PLCXD3: variants seen among roughly 807,000 people sequenced by gnomAD.
PLCXD3 encodes the protein phosphatidylinositol specific phospholipase C X domain containing 3.
PLCXD3 carries 19 observed loss-of-function variants against 25.5 expected under a neutral mutation model. The ratio of observed to expected loss-of-function variants is 0.75; its 90% CI spans 0.52 to 1.09. The LOEUF (loss-of-function observed/expected upper bound fraction) is 1.09, where lower values mean the gene tolerates loss of function less well. Ranked by LOEUF, PLCXD3 falls within the 50% of genes least tolerant of loss-of-function variation. PLCXD3 has a pLI of 0.00. For synonymous variants in PLCXD3, 174 were observed against 137.6 expected (o/e 1.26, Z -1.85); for missense variants, 411 against 388.1 (o/e 1.06, Z -0.50).
At chr5:41,468,582 TC>T (rs1196924287) in intron 1 of PLCXD3, among the ~76,000 whole-genome samples, 3 of 152,198 alleles carry the variant, frequency 2.0e-5, no homozygotes, top group Admixed American at 2.0e-4. Flanking sequence ...AGCATTCAGG[TC>T]ATTTACCTCC....
chr5:41,485,372 A>G (rs996203000), intron 1 of PLCXD3, among the ~76,000 whole-genome samples: 2 of 152,204 alleles, frequency 1.3e-5, no homozygotes, highest in African/African-American at 2.4e-5. Context: ...AATCACACTG[A>G]TGAAAGTTTC....
intron 2 of PLCXD3, among the ~76,000 whole-genome samples, chr5:41,335,190 C>T (rs1440561022): frequency 2.0e-5 from 3 of 152,188 alleles, no homozygotes; most frequent in African/African-American, 4.8e-5. Flanking sequence ...CAGTTTCTAT[C>T]GCTAGCACTG....
intron 1 of PLCXD3, among the ~76,000 whole-genome samples, chr5:41,447,592 T>G (rs953138890): frequency 6.6e-6 from 1 of 152,202 alleles, no homozygotes; most frequent in African/African-American, 2.4e-5. Flanking sequence ...ACAGGCACCT[T>G]GAATAGCCTC....
At chr5:41,327,352 A>G (rs921001420) in intron 2 of PLCXD3, among the ~76,000 whole-genome samples, 2 of 152,136 alleles carry the variant, frequency 1.3e-5, no homozygotes, top group African/African-American at 4.8e-5. Flanking sequence ...TTGACTTTAT[A>G]TGCAAATAAA....
intron 2 of PLCXD3, among the ~76,000 whole-genome samples, chr5:41,319,542 T>G (rs112304091): frequency 0.036 from 5,531 of 152,110 alleles, 343 homozygotes; most frequent in African/African-American, 0.13. Flanking sequence ...AGAAGGAAAT[T>G]GAAAAGTTTC....
chr5:41,381,076 G>A (rs993133702), intron 2 of PLCXD3, among the ~76,000 whole-genome samples: 1 of 152,072 alleles, frequency 6.6e-6, no homozygotes, highest in Non-Finnish European at 1.5e-5. Flanking sequence ...TGTTGAAGGG[G>A]TCTTAAGAAA....
At chr5:41,431,298 T>C (rs1747094170) in intron 1 of PLCXD3, among the ~76,000 whole-genome samples, 2 of 152,196 alleles carry the variant, frequency 1.3e-5, no homozygotes, top group South Asian at 4.1e-4. Flanking sequence ...AGACTTTGCT[T>C]TTAATTTACA....
At chr5:41,436,267 C>A (rs978603736) in intron 1 of PLCXD3, among the ~76,000 whole-genome samples, 6 of 151,752 alleles carry the variant, frequency 4.0e-5, no homozygotes, top group South Asian at 2.1e-4. Context: ...TGAATGCCAT[C>A]CCTATAAATA....
intron 2 of PLCXD3, among the ~76,000 whole-genome samples, chr5:41,359,135 A>T (rs1270260487): frequency 6.6e-6 from 1 of 151,922 alleles, no homozygotes; most frequent in Non-Finnish European, 1.5e-5. Flanking sequence ...TTTGTTGAGG[A>T]TTTCCGCATC....
At chr5:41,316,742 G>C (rs184772072) in intron 2 of PLCXD3, among the ~76,000 whole-genome samples, 160 of 152,300 alleles carry the variant, frequency 1.1e-3, no homozygotes, top group African/African-American at 3.2e-3. Context: ...GGCTAGGGTG[G>C]TGGTGGCTAT....
chr5:41,419,595 C>T (rs757360816), intron 1 of PLCXD3, among the ~76,000 whole-genome samples: 1 of 152,064 alleles, frequency 6.6e-6, no homozygotes, highest in Non-Finnish European at 1.5e-5. Context: ...GATAGCCAAG[C>T]AAAATCTTAT....
At chr5:41,431,213 C>T (rs914837754) in intron 1 of PLCXD3, among the ~76,000 whole-genome samples, 14 of 152,100 alleles carry the variant, frequency 9.2e-5, no homozygotes, top group Admixed American at 2.6e-4. Context: ...TTTGGATTAT[C>T]GCTTAAAATT....
Position 41,382,465 on chromosome 5 carries a change from A to G in PLCXD3, c.173T>C (p.Val58Ala), listed in dbSNP as rs1745500331. The G allele has an allele frequency of 1.2e-6, 2 of 1,612,190 alleles. No homozygotes were observed. Among genetic ancestry groups the G allele is most frequent in the Admixed American group, 1.7e-5 (1 of 59,900 alleles). Reference protein sequence around the residue: ...SPVGPEQPETVQNFVSVFGTV... With the variant: ...SPVGPEQPETAQNFVSVFGTV... ...TCCAAACACAGAGACAAAATTCTGG[A>G]CAGTTTCTGGCTGCTCAGGACCTAC... Residue 58 changes from valine to alanine, a missense_variant, in exon 2 of 3, where the codon GTC (valine) becomes GCC (alanine). Transcript: ENST00000377801.
intron 2 of PLCXD3, among the ~76,000 whole-genome samples, chr5:41,340,864 G>A (rs1744120671): frequency 6.6e-6 from 1 of 152,102 alleles, no homozygotes; most frequent in Non-Finnish European, 1.5e-5. Flanking sequence ...TTTTAATTGT[G>A]TGACCTTTTA....
At chr5:41,462,470 T>G (rs1022989606) in intron 1 of PLCXD3, among the ~76,000 whole-genome samples, 1 of 152,000 alleles carries the variant, frequency 6.6e-6, no homozygotes. Context: ...TATTTTCATA[T>G]AAGTATTTTT....
chr5:41,372,663 T>C (rs953702321), intron 2 of PLCXD3, among the ~76,000 whole-genome samples: 1 of 151,972 alleles, frequency 6.6e-6, no homozygotes, highest in Non-Finnish European at 1.5e-5. Flanking sequence ...TCTTCTTCCT[T>C]CTGAGAAATA....
chr5:41,413,233 T>C (rs1020307241), intron 1 of PLCXD3, among the ~76,000 whole-genome samples: 6 of 152,220 alleles, frequency 3.9e-5, no homozygotes, highest in Non-Finnish European at 8.8e-5. Flanking sequence ...ATGCCAAGAT[T>C]AGATCATGAA....
chr5:41,484,935 T>C (rs962372191), intron 1 of PLCXD3, among the ~76,000 whole-genome samples: 1 of 152,092 alleles, frequency 6.6e-6, no homozygotes, highest in South Asian at 2.1e-4. Flanking sequence ...AATAAATAAA[T>C]AAAACTTTAT....
intron 1 of PLCXD3, among the ~76,000 whole-genome samples, chr5:41,479,231 C>CA (rs373028310): frequency 2.0e-5 from 3 of 152,048 alleles, no homozygotes; most frequent in African/African-American, 4.8e-5. Flanking sequence ...AAGCCAGTCA[C>CA]AAAAAACAAA....
Sources: gnomAD v4.1 joint callset for allele counts (sites outside exome capture counted in the v4.1 genomes callset) on GRCh38, gnomAD v4.1.1 for gene constraint, MANE v1.5 for transcripts, NCBI Gene and HGNC (gene_info 2026-07-23, HGNC 2026-07-21) for gene names.